Variants in LAMA2 observed in about 807,000 individuals in gnomAD.
LAMA2 encodes the protein laminin subunit alpha-2.
A neutral mutation model predicts 364.8 loss-of-function variants in LAMA2; 269 were observed. The ratio of observed to expected loss-of-function variants is 0.74; its 90% CI spans 0.67 to 0.82. The LOEUF (loss-of-function observed/expected upper bound fraction) is 0.82, where lower values mean the gene tolerates loss of function less well. Among genes scored for constraint, LAMA2 ranks in the 40% least tolerant of loss-of-function variants. LAMA2 has a pLI of 0.00. For missense variants in LAMA2, 3,807 were observed against 3,873.2 expected, an observed-to-expected ratio of 0.98 and a Z score of 0.45; for synonymous variants, 1,379 against 1,370.6, an observed-to-expected ratio of 1.01 and a Z score of -0.14.
intron 1 of LAMA2, among the ~76,000 whole-genome samples, chr6:128,968,674 A>G (rs1782003049): frequency 6.6e-6 from 1 of 152,098 alleles, no homozygotes; most frequent in East Asian, 1.9e-4. Context: ...CATGTAGGGT[A>G]TAGCTTCTCA....
chr6:129,353,575 T>C (rs1436198994), intron 32 of LAMA2, among the ~76,000 whole-genome samples: 1 of 152,016 alleles, frequency 6.6e-6, no homozygotes, highest in African/African-American at 2.4e-5. Flanking sequence ...AAATCCTCAG[T>C]GTGCTTTAGT....
intron 20 of LAMA2, among the ~76,000 whole-genome samples, chr6:129,294,325 T>C (rs1386260434): frequency 6.6e-6 from 1 of 152,190 alleles, no homozygotes; most frequent in Admixed American, 6.5e-5. Context: ...CAGAGTGCTA[T>C]AAGAGCATAA....
chr6:128,970,599 A>C (rs1434228057), intron 1 of LAMA2, among the ~76,000 whole-genome samples: 1 of 152,242 alleles, frequency 6.6e-6, no homozygotes, highest in Non-Finnish European at 1.5e-5. Flanking sequence ...GACTTCTCTC[A>C]AAAATTTATG....
At chr6:129,414,387 C>T (rs1387797252) in intron 40 of LAMA2, among the ~76,000 whole-genome samples, 1 of 151,948 alleles carries the variant, frequency 6.6e-6, no homozygotes, top group African/African-American at 2.4e-5. Flanking sequence ...AAACTATAGG[C>T]CAGTTATTTA....
intron 33 of LAMA2, among the ~76,000 whole-genome samples, chr6:129,369,349 T>C (rs1777943220): frequency 2.0e-5 from 3 of 152,182 alleles, no homozygotes; most frequent in Admixed American, 1.3e-4. Flanking sequence ...TTATGTTCCA[T>C]AGGAAAAAAA....
At chr6:129,329,358 A>AC (rs1218437259) in intron 29 of LAMA2, among the ~76,000 whole-genome samples, 1 of 147,522 alleles carries the variant, frequency 6.8e-6, no homozygotes, top group African/African-American at 2.5e-5. Flanking sequence ...AGTAGCCATC[A>AC]CCTTTTTGTT....
At chr6:129,440,719 C>G in intron 42 of LAMA2, 97 bp from the exon 43 acceptor site, 1 of 1,073,726 alleles carries the variant, frequency 9.3e-7, no homozygotes, top group Non-Finnish European at 1.4e-6. Context: ...TAAATGTGTC[C>G]GAGGTCAGCC....
intron 12 of LAMA2, among the ~76,000 whole-genome samples, chr6:129,203,079 T>C (rs998132322): frequency 1.3e-5 from 2 of 152,230 alleles, no homozygotes; most frequent in Non-Finnish European, 2.9e-5. Flanking sequence ...ACTTCCTGTA[T>C]AAAATTTTCC....
intron 31 of LAMA2, 97 bp downstream of exon 31, chr6:129,349,481 T>C (rs1776740788): frequency 3.2e-6 from 3 of 951,898 alleles, no homozygotes; most frequent in Non-Finnish European, 5.1e-6. Flanking sequence ...AGAACTTCAA[T>C]ATTTGCATAT....
rs764657750 is a variant in LAMA2, at chr6:129,478,758, A to G, written c.7517A>G (p.Tyr2506Cys). The G allele has an allele frequency of 6.2e-7, 1 of 1,612,818 alleles. No homozygotes were observed. The highest frequency in any genetic ancestry group is 8.5e-7 in the Non-Finnish European group (1 of 1,178,808). Residue 2506 changes from tyrosine to cysteine, a missense_variant, in exon 54 of 65, where the codon TAC becomes TGC. Around this residue, in one of 3 missense-constraint regions of LAMA2, gnomAD observed 3,333 missense variants for 3,345.7 expected, o/e 1.00. Coordinates refer to ENST00000421865, the MANE Select transcript of LAMA2 (RefSeq NM_000426.4). The part of the protein sequence containing the change: ...LKDIEISRTP[Y>C]NILSSPDYVG... ...GATATTGAAATTTCAAGAACTCCGT[A>G]CAATATACTCAGTAGTCCCGATTAT... is the stretch of plus-strand genomic sequence containing the variant.
intron 2 of LAMA2, among the ~76,000 whole-genome samples, chr6:129,059,157 C>T (rs1311253075): frequency 1.3e-5 from 2 of 152,170 alleles, no homozygotes; most frequent in Non-Finnish European, 2.9e-5. Flanking sequence ...CTTATTTCAG[C>T]ATTTGCTGGT....
chr6:129,144,106 G>A (rs113355738), intron 5 of LAMA2, 26 bp downstream of exon 5: 10 of 1,562,806 alleles, frequency 6.4e-6, no homozygotes, highest in East Asian at 4.5e-5. Flanking sequence ...TCATATTAGA[G>A]CCTACAAATG....
chr6:128,996,616 T>A (rs1783957987), intron 1 of LAMA2, among the ~76,000 whole-genome samples: 1 of 152,192 alleles, frequency 6.6e-6, no homozygotes, highest in Non-Finnish European at 1.5e-5. Flanking sequence ...CATTAAAATG[T>A]CAGGAAACAA....
chr6:129,509,233 C>A (rs1786364983), intron 62 of LAMA2, among the ~76,000 whole-genome samples: 1 of 152,010 alleles, frequency 6.6e-6, no homozygotes, highest in Non-Finnish European at 1.5e-5. Context: ...TGTTTGAATT[C>A]CTTTTATATT....
chr6:129,298,099 G>C (rs137865288), intron 21 of LAMA2, among the ~76,000 whole-genome samples: 5 of 151,294 alleles, frequency 3.3e-5, no homozygotes, highest in African/African-American at 1.2e-4. Flanking sequence ...TCGTTTGGTT[G>C]TGTCCCTCCC....
At chr6:128,944,221 CAG>C (rs1780355096) in intron 1 of LAMA2, among the ~76,000 whole-genome samples, 2 of 152,110 alleles carry the variant, frequency 1.3e-5, no homozygotes, top group Non-Finnish European at 2.9e-5. Flanking sequence ...TGACAATGCA[CAG>C]TTAAGGTACC....
At chr6:129,186,516 T>C (rs557848882) in intron 10 of LAMA2, among the ~76,000 whole-genome samples, 1 of 151,932 alleles carries the variant, frequency 6.6e-6, no homozygotes, top group Non-Finnish European at 1.5e-5. Context: ...TTTCAATAAA[T>C]GCCCTTTAGT....
At position 129,287,831 on chromosome 6, in the gene LAMA2, A is replaced by T. The variant is rs184241059; in HGVS notation, c.2538-16A>T. The T allele has an allele frequency of 1.5e-4, 243 of 1,610,208 alleles. No individual in the cohort carries two copies. Among genetic ancestry groups the T allele is most frequent in the South Asian group, 5.8e-4 (53 of 91,008 alleles). On this transcript the variant is annotated splice_polypyrimidine_tract_variant and intron_variant, in intron 18 of 64. Transcript: ENST00000421865. ...AGGTCCCCCCAAAGGCTCACTGATG[A>T]AATTTCTTGCCTTAGGTGTGCAGAA...
intron 21 of LAMA2, 41 bp from the exon 22 acceptor site, chr6:129,300,695 T>A (rs139981540): frequency 2.5e-6 from 4 of 1,609,170 alleles, no homozygotes; most frequent in Non-Finnish European, 3.4e-6. Context: ...AAATTTTTAC[T>A]ATTTTTCCCC....
Sources: gnomAD v4.1 joint callset for allele counts (sites outside exome capture counted in the v4.1 genomes callset) on GRCh38, gnomAD v4.1.1 for gene constraint, gnomAD v4.1.1 regional missense constraint, MANE v1.5 for transcripts, NCBI Gene and HGNC (gene_info 2026-07-23, HGNC 2026-07-21) for gene names.